JAKMIP2: variants seen among roughly 807,000 people sequenced by gnomAD.
JAKMIP2 encodes janus kinase and microtubule-interacting protein 2.
In JAKMIP2, 25 loss-of-function variants were observed where a neutral mutation model predicts 115.0. The observed-to-expected ratio is 0.22, with a 90% confidence interval of 0.16 to 0.30. The LOEUF is 0.30. JAKMIP2 is among the 10% of genes least tolerant of loss of function. The pLI is 1.00. For missense variants in JAKMIP2, 642 were observed against 957.6 expected (o/e 0.67, Z 4.35); for synonymous variants, 334 against 343.6 (o/e 0.97, Z 0.31).
intron 1 of JAKMIP2, among the ~76,000 whole-genome samples, chr5:147,750,970 T>C (rs1026915771): frequency 6.6e-6 from 1 of 152,348 alleles, no homozygotes; most frequent in Admixed American, 6.5e-5. Flanking sequence ...TGGTTTTCTA[T>C]TGCGGCAGCC....
At chr5:147,601,348 T>C (rs1168919236) in intron 21 of JAKMIP2, among the ~76,000 whole-genome samples, 2 of 152,150 alleles carry the variant, frequency 1.3e-5, no homozygotes, top group Non-Finnish European at 2.9e-5. Flanking sequence ...GTCAACACTT[T>C]GGGAGGCTAA....
At chr5:147,642,854 G>C (rs1489330561) in intron 7 of JAKMIP2, among the ~76,000 whole-genome samples, 1 of 152,116 alleles carries the variant, frequency 6.6e-6, no homozygotes, top group African/African-American at 2.4e-5. Context: ...GACTGGGAAA[G>C]GTAGACTCAC....
At chr5:147,679,311 C>A (rs1290672880) in intron 1 of JAKMIP2, among the ~76,000 whole-genome samples, 1 of 152,104 alleles carries the variant, frequency 6.6e-6, no homozygotes, top group Non-Finnish European at 1.5e-5. Flanking sequence ...ACTCTCACAT[C>A]ATAAAATACC....
At chr5:147,769,772 TG>T (rs1387652358) in intron 1 of JAKMIP2, among the ~76,000 whole-genome samples, 2 of 151,844 alleles carry the variant, frequency 1.3e-5, no homozygotes, top group Non-Finnish European at 2.9e-5. Flanking sequence ...CTTTTCCTTC[TG>T]TCTAGGGCTC....
At chr5:147,707,584 A>T (rs1752627534) in intron 1 of JAKMIP2, among the ~76,000 whole-genome samples, 1 of 152,020 alleles carries the variant, frequency 6.6e-6, no homozygotes, top group Non-Finnish European at 1.5e-5. Flanking sequence ...TGCTCCCAGA[A>T]CTGAAATATG....
At chr5:147,766,705 TA>T (rs1231283717) in intron 1 of JAKMIP2, among the ~76,000 whole-genome samples, 11 of 152,278 alleles carry the variant, frequency 7.2e-5, no homozygotes, top group African/African-American at 2.4e-4. Flanking sequence ...GATAATCTTT[TA>T]TTTTTTTTCA....
intron 8 of JAKMIP2, 121 bp from the exon 9 acceptor site, chr5:147,640,944 C>G (rs1757854670): frequency 1.3e-6 from 1 of 761,144 alleles, no homozygotes; most frequent in East Asian, 2.8e-5. Flanking sequence ...CTCTATGCTT[C>G]TTTGTTGAAA....
At chr5:147,599,083 T>C (rs6892958) in intron 21 of JAKMIP2, among the ~76,000 whole-genome samples, 116,250 of 152,042 alleles carry the variant, frequency 0.76, 45,705 homozygotes, top group Non-Finnish European at 0.87. Context: ...CTAGAGGTTA[T>C]AATTTTGAAT....
intron 1 of JAKMIP2, among the ~76,000 whole-genome samples, chr5:147,715,772 C>G (rs1448476201): frequency 4.0e-5 from 6 of 151,010 alleles, no homozygotes; most frequent in Admixed American, 3.3e-4. Context: ...CAAGATATAA[C>G]ATACATCATA....
At chr5:147,619,198 T>A (rs574066088) in intron 18 of JAKMIP2, among the ~76,000 whole-genome samples, 52 of 152,302 alleles carry the variant, frequency 3.4e-4, no homozygotes, top group African/African-American at 1.3e-3. Flanking sequence ...TCCTAGCTCT[T>A]GTCCTGGGCT....
At chr5:147,716,494 T>C (rs1439758043) in intron 1 of JAKMIP2, among the ~76,000 whole-genome samples, 1 of 151,244 alleles carries the variant, frequency 6.6e-6, no homozygotes, top group Non-Finnish European at 1.5e-5. Flanking sequence ...CTCCACATCC[T>C]CTCCAGCACC....
At chr5:147,771,710 A>G (rs560779314) in intron 1 of JAKMIP2, among the ~76,000 whole-genome samples, 5 of 152,244 alleles carry the variant, frequency 3.3e-5, no homozygotes, top group Admixed American at 1.3e-4. Context: ...AGGGAACTGT[A>G]GTGCTACTTA....
chr5:147,591,378 T>C lies in JAKMIP2; in HGVS notation c.*329A>G, dbSNP rs2126543411. 1 of 362,688 alleles carries C rather than the reference T, an allele frequency of 2.8e-6. No homozygotes were observed. Among genetic ancestry groups the C allele is most frequent in the African/African-American group, 2.2e-5 (1 of 46,334 alleles). The allele number at this position is 362,688 out of a possible 1,614,324, so 22.5% of individuals were successfully genotyped here. On this transcript the variant is annotated 3_prime_UTR_variant, in exon 22 of 22. Transcript: ENST00000616793. ...TCCATGCCCAAGACACATCTTTGCTTGATCTGCAGAAACTAGTTCCATTGC... is the reference window on the plus strand; with the variant it reads ...TCCATGCCCAAGACACATCTTTGCTCGATCTGCAGAAACTAGTTCCATTGC...
chr5:147,586,167 A>G lies in JAKMIP2; in HGVS notation c.*5540T>C, dbSNP rs1322290471. On this transcript the variant is annotated 3_prime_UTR_variant, in exon 22 of 22. Coordinates refer to ENST00000616793, the MANE Select transcript of JAKMIP2 (RefSeq NM_001270941.2). The stretch of plus-strand genomic sequence containing the variant: ...TTCAAACACTAAATGCTCGACAAAA[A>G]CATGAGTTCCCAGCAGAAGCAGCAG... The G allele has an allele frequency of 1.3e-5, 2 of 152,154 alleles. No homozygotes were observed. Among genetic ancestry groups the G allele is most frequent in the Admixed American group, 6.6e-5 (1 of 15,258 alleles). 9.4% of individuals were successfully genotyped at this position (152,154 alleles called of 1,614,324 possible).
intron 20 of JAKMIP2, among the ~76,000 whole-genome samples, chr5:147,606,461 T>C (rs1756020021): frequency 6.6e-6 from 1 of 152,230 alleles, no homozygotes; most frequent in African/African-American, 2.4e-5. Flanking sequence ...ATTGCTTGTT[T>C]TTGGCAGGTT....
At chr5:147,675,083 G>T (rs1759860619) in intron 1 of JAKMIP2, among the ~76,000 whole-genome samples, 1 of 152,154 alleles carries the variant, frequency 6.6e-6, no homozygotes, top group Admixed American at 6.5e-5. Flanking sequence ...CTACAGAATT[G>T]CTTGTAGCAA....
At chr5:147,687,762 C>G (rs1454243918) in intron 1 of JAKMIP2, among the ~76,000 whole-genome samples, 1 of 152,164 alleles carries the variant, frequency 6.6e-6, no homozygotes. Flanking sequence ...TGGAAATAAG[C>G]TATTTAATAA....
chr5:147,616,271 A>T (rs1372002298), intron 19 of JAKMIP2, among the ~76,000 whole-genome samples: 2 of 152,216 alleles, frequency 1.3e-5, no homozygotes, highest in Non-Finnish European at 2.9e-5. Flanking sequence ...TCAGCTATTA[A>T]TTAAAAGGGA....
At chr5:147,601,598 G>T (rs1366255152) in intron 21 of JAKMIP2, 143 bp downstream of exon 21, 7 of 482,892 alleles carry the variant, frequency 1.4e-5, no homozygotes, top group African/African-American at 1.2e-4. Flanking sequence ...ACAAGACTCT[G>T]TCTCAAAACA....
Sources: allele counts gnomAD v4.1 joint callset (sites outside exome capture counted in the v4.1 genomes callset), GRCh38; gene constraint gnomAD v4.1.1; transcripts MANE v1.5; gene names NCBI Gene and HGNC (gene_info 2026-07-23, HGNC 2026-07-21).